Variants in DOK3 observed in about 807,000 individuals in gnomAD.
The protein encoded by DOK3 is docking protein 3, also known as Dok-like protein.
In DOK3, 23 loss-of-function variants were observed where a neutral mutation model predicts 26.2. The ratio of observed to expected loss-of-function variants is 0.88; its 90% CI spans 0.63 to 1.24. The LOEUF (loss-of-function observed/expected upper bound fraction) is 1.24. DOK3 is among the 50% of genes most tolerant of loss of function. The probability of loss-of-function intolerance (pLI) is 0.00; values close to 1 mark genes in which losing one functional copy is unlikely to be tolerated. For missense variants in DOK3, 619 were observed against 610.6 expected, an observed-to-expected ratio of 1.01 and a Z score of -0.15; for synonymous variants, 268 against 268.2, an observed-to-expected ratio of 1.00 and a Z score of 0.01.
chr5:177,504,385 C>G lies in DOK3; in HGVS notation c.921G>C (p.Gln307His). ...CCGGGCCTAGCAGTAGCGGCAGGCTCTGGGGTCCGGGCTCGGCCAGGTGCA... is the reference window on the plus strand; with the variant it reads ...CCGGGCCTAGCAGTAGCGGCAGGCTGTGGGGTCCGGGCTCGGCCAGGTGCA... ...RKMHLAEPGP[Q>H]SLPLLLGPEP... Residue 307 changes from glutamine (Q) to histidine (H), a missense_variant, in exon 6 of 6, where the codon CAG becomes CAC. Gln to His is a conservative substitution (Grantham distance 24). Transcript: ENST00000510898. The G allele has an allele frequency of 6.4e-7, 1 of 1,567,426 alleles. No individual in the cohort carries two copies. Among genetic ancestry groups the G allele is most frequent in the Non-Finnish European group, 8.7e-7 (1 of 1,155,652 alleles).
intron 3 of DOK3, among the ~76,000 whole-genome samples, chr5:177,507,155 A>T (rs748603451): frequency 2.7e-5 from 4 of 150,332 alleles, no homozygotes; most frequent in Non-Finnish European, 5.9e-5. Flanking sequence ...CAATGGAGTT[A>T]CCTTGTCTGT....
Position 177,505,038 on chromosome 5 carries a change from T to C in DOK3, c.445A>G (p.Asn149Asp). 6.2e-7 allele frequency: 1 copy of C among 1,611,908 alleles called. No individual in the cohort carries two copies. Among genetic ancestry groups the C allele is most frequent in the Non-Finnish European group, 8.5e-7 (1 of 1,179,064 alleles). ...TCCTGCCAGGAGGAGTAGATGGAGT[T>C]TTCCTCCATGGGGACCAGGCCCCTC... is the stretch of plus-strand genomic sequence containing the variant. ...PKRGLVPMEE[N>D]SIYSSWQEVG... is the part of the protein sequence containing the mutation. The change falls in exon 4 of 6, where the codon AAC becomes GAC. Residue 149 changes from asparagine (N) to aspartate (D), a missense_variant. By Grantham distance (23) the Asn-to-Asp change is conservative. Transcript: ENST00000510898.
Position 177,503,277 on chromosome 5 carries a change from G to A in DOK3, c.*706C>T, listed in dbSNP as rs540030583. On this transcript the variant is annotated 3_prime_UTR_variant, in exon 6 of 6. Coordinates refer to ENST00000510898, the MANE Select transcript of DOK3 (RefSeq NM_001308236.3). ...GTCCTGAACACGGCTGTGTCCCCCA[G>A]CGCCTGGCACTGAGTAGGCACGCAG... 60 of 1,550,858 alleles carry A rather than the reference G, an allele frequency of 3.9e-5. No individual in the cohort carries two copies. The highest frequency in any genetic ancestry group is 5.0e-5 in the Non-Finnish European group (57 of 1,146,338).
intron 3 of DOK3, among the ~76,000 whole-genome samples, chr5:177,507,899 C>T (rs767308216): frequency 5.3e-5 from 8 of 152,216 alleles, no homozygotes; most frequent in African/African-American, 1.7e-4. Context: ...CCACACTGTC[C>T]GGCCTCGGGG....
upstream of DOK3, chr5:177,510,058 G>A (rs779536779): frequency 2.2e-5 from 15 of 689,466 alleles, no homozygotes; most frequent in Non-Finnish European, 2.0e-5. Context: ...TCCACCTCAC[G>A]AGCCACTGAA....
At chr5:177,509,399 C>T in intron 2 of DOK3, 76 bp downstream of exon 2, 5 of 1,541,176 alleles carry the variant, frequency 3.2e-6, no homozygotes, top group Non-Finnish European at 4.4e-6. Context: ...CCTGGGCTGT[C>T]CGAGGCAGGG....
Position 177,504,223 on chromosome 5 carries a change from C to T in DOK3, c.1083G>A (p.Pro361=), listed in dbSNP as rs147796245. 131 of 1,611,902 alleles carry T rather than the reference C, an allele frequency of 8.1e-5. No individual in the cohort carries two copies. Among genetic ancestry groups the T allele is most frequent in the Admixed American group, 1.3e-4 (8 of 59,804 alleles). The change falls in exon 6 of 6, where the codon CCG becomes CCA. Residue 361 remains proline (P), a synonymous_variant. Coordinates refer to ENST00000510898, the MANE Select transcript of DOK3 (RefSeq NM_001308236.3). The part of the protein sequence containing the change: ...SPTLHGGEPE[P]HEGPGSRSPT... ...GGCTGCGGCTGCCGGGGCCCTCGTG[C>T]GGCTCAGGTTCCCCACCGTGCAGCG...
At position 177,509,670 on chromosome 5, in the gene DOK3, G is replaced by A. The variant is rs1354763695; in HGVS notation, c.-117-13C>T. The A allele has an allele frequency of 1.6e-5, 26 of 1,591,846 alleles. No individual in the cohort carries two copies. The highest frequency in any genetic ancestry group is 2.2e-5 in the Non-Finnish European group (26 of 1,166,092). On this transcript the variant is annotated splice_polypyrimidine_tract_variant and intron_variant, in intron 1 of 5. Coordinates refer to ENST00000510898, the MANE Select transcript of DOK3 (RefSeq NM_001308236.3). ...CGTCTAGAGACAGCTGCAGGCCGGGGGGAGGGGAGCCTGTCTTCAGCTCAG... is the reference window on the plus strand; with the variant it reads ...CGTCTAGAGACAGCTGCAGGCCGGGAGGAGGGGAGCCTGTCTTCAGCTCAG...
In DOK3 at chr5:177,504,037, C is replaced by A; in HGVS notation, c.1269G>T (p.Val423=). The change falls in exon 6 of 6, where the codon GTG becomes GTT. Residue 423 remains valine (V), a synonymous_variant. Transcript: ENST00000510898. ...DPQAGFKAKL[V]TLLSRERRKG... Reference sequence around the variant, plus strand: ...TCCTCCGCTCACGACTCAGCAGGGTCACCAGCTTGGCCTTGAAACCTGCCT... The same window carrying A: ...TCCTCCGCTCACGACTCAGCAGGGTAACCAGCTTGGCCTTGAAACCTGCCT... 1 of 1,591,852 alleles carries A rather than the reference C, an allele frequency of 6.3e-7. No individual in the cohort carries two copies. Among genetic ancestry groups the A allele is most frequent in the South Asian group, 1.1e-5 (1 of 88,340 alleles).
At chr5:177,505,940 A>G (rs1037267720) in intron 3 of DOK3, among the ~76,000 whole-genome samples, 12 of 151,672 alleles carry the variant, frequency 7.9e-5, no homozygotes, top group African/African-American at 2.2e-4. Context: ...GGGTTTCACC[A>G]TGTTAGCCAG....
chr5:177,505,101 C>T lies in DOK3; in HGVS notation c.382G>A (p.Glu128Lys). 1 of 1,607,716 alleles carries T rather than the reference C, an allele frequency of 6.2e-7. No individual in the cohort carries two copies. The highest frequency in any genetic ancestry group is 8.5e-7 in the Non-Finnish European group (1 of 1,177,370). The change falls in exon 4 of 6, where the codon GAG becomes AAG. Residue 128 changes from glutamate (E) to lysine (K), a missense_variant. Physicochemically the swap from Glu to Lys is moderately conservative, Grantham distance 56. Transcript: ENST00000510898. Reference sequence around the variant, plus strand: ...GCATCTGTGGATCCTGAGGAGGCCTCCCCTGTCCCCTGGGGAATGAGTTCA... The same window carrying T: ...GCATCTGTGGATCCTGAGGAGGCCTTCCCTGTCCCCTGGGGAATGAGTTCA... Reference protein sequence around the residue: ...ICQLAFPGTGEASSGSTDAQS... With the variant: ...ICQLAFPGTGKASSGSTDAQS...
chr5:177,503,165 G>A lies in DOK3; in HGVS notation c.*818C>T, dbSNP rs761305637. ...GGCTCCTAGGATGGCGCCAGGAGCAGGAGCAGAGGAGGGAACGCAGCATGG... is the reference window on the plus strand; with the variant it reads ...GGCTCCTAGGATGGCGCCAGGAGCAAGAGCAGAGGAGGGAACGCAGCATGG... On this transcript the variant is annotated 3_prime_UTR_variant, in exon 6 of 6. Transcript: ENST00000510898. The A allele has an allele frequency of 4.6e-6, 7 of 1,508,340 alleles. No homozygotes were observed. Among genetic ancestry groups the A allele is most frequent in the Non-Finnish European group, 6.2e-6 (7 of 1,126,386 alleles). 93.4% of individuals were successfully genotyped at this position (1,508,340 alleles called of 1,614,324 possible).
chr5:177,502,848 A>C lies in DOK3; in HGVS notation c.*1135T>G. 2 of 566,996 alleles carry C rather than the reference A, an allele frequency of 3.5e-6. No individual in the cohort carries two copies. Among genetic ancestry groups the C allele is most frequent in the South Asian group, 2.5e-5 (1 of 39,388 alleles). The allele number at this position is 566,996 out of a possible 1,614,324, so 35.1% of individuals were successfully genotyped here. On this transcript the variant is annotated 3_prime_UTR_variant, in exon 6 of 6. Transcript: ENST00000510898. ...AGATGAAACGAGAGAGAACAGGGGGAAGGGACTATGGAGAACAAAGAGGGG... is the reference window on the plus strand; with the variant it reads ...AGATGAAACGAGAGAGAACAGGGGGCAGGGACTATGGAGAACAAAGAGGGG...
upstream of DOK3, chr5:177,510,991 G>A (rs889767574): frequency 6.6e-6 from 1 of 152,280 alleles, no homozygotes; most frequent in Non-Finnish European, 1.5e-5. Flanking sequence ...TTCTGCGTGT[G>A]CGTCTTTCTC....
At chr5:177,508,191 G>A (rs1356159676) in intron 3 of DOK3, 46 bp downstream of exon 3, 3 of 1,386,230 alleles carry the variant, frequency 2.2e-6, no homozygotes, top group African/African-American at 1.8e-5. Flanking sequence ...GGACAAGTCG[G>A]GGGCAGGTGC....
At chr5:177,510,719 C>T (rs575487927), upstream of DOK3, 4 of 152,408 alleles carry the variant, frequency 2.6e-5, no homozygotes, top group Non-Finnish European at 4.4e-5. Flanking sequence ...CCACCTCAGA[C>T]GCCACATCCT....
rs372201708 is a variant in DOK3, at chr5:177,508,305, G to C, written c.304C>G (p.Arg102Gly). ...TGAFLLTTTERSHLLAAQHRQ... is the reference protein window; with the variant it reads ...TGAFLLTTTEGSHLLAAQHRQ... The stretch of plus-strand genomic sequence containing the variant: ...TGCTGAGCAGCCAGTAGATGGCTTC[G>C]CTCGGTGGTGGTGAGCAGGAAGGCA... The change falls in exon 3 of 6, where the codon CGA (arginine) becomes GGA (glycine). Residue 102 changes from arginine to glycine, a missense_variant. Coordinates refer to ENST00000510898, the MANE Select transcript of DOK3 (RefSeq NM_001308236.3). 8 of 1,582,294 alleles carry C rather than the reference G, an allele frequency of 5.1e-6. No individual in the cohort carries two copies. Among genetic ancestry groups the C allele is most frequent in the Non-Finnish European group, 6.9e-6 (8 of 1,167,814 alleles).
chr5:177,509,726 G>C, intron 1 of DOK3, 32 bp downstream of exon 1: 1 of 1,611,200 alleles, frequency 6.2e-7, no homozygotes, highest in Non-Finnish European at 8.5e-7. Flanking sequence ...TTCCTCCCTG[G>C]GGTTCTGGCT....
chr5:177,505,210 G>A, intron 3 of DOK3, 100 bp from the exon 4 acceptor site: 4 of 1,108,690 alleles, frequency 3.6e-6, no homozygotes, highest in Non-Finnish European at 3.8e-6. Context: ...GGGCATCCAG[G>A]GGCCTGGGCT....
Sources: gnomAD v4.1 joint callset for allele counts (sites outside exome capture counted in the v4.1 genomes callset) on GRCh38, gnomAD v4.1.1 for gene constraint, MANE v1.5 for transcripts, NCBI Gene and HGNC (gene_info 2026-07-23, HGNC 2026-07-21) for gene names.